Variants in TMCO4 observed in about 807,000 individuals in gnomAD.
TMCO4 encodes transmembrane and coiled-coil domain-containing protein 4.
In TMCO4, 58 loss-of-function variants were observed where a neutral mutation model predicts 64.7. The observed-to-expected ratio is 0.90, with a 90% CI of 0.73 to 1.12. The LOEUF (loss-of-function observed/expected upper bound fraction) is 1.12. Among genes scored for constraint, TMCO4 ranks in the 50% most tolerant of loss-of-function variants. The pLI is 0.00. For synonymous variants in TMCO4, 325 were observed against 346.1 expected, an observed-to-expected ratio of 0.94 and a Z score of 0.68; for missense variants, 780 against 825.9, an observed-to-expected ratio of 0.94 and a Z score of 0.68.
In TMCO4 at chr1:19,737,431, C is replaced by T. The variant is rs773563049; in HGVS notation, c.1205G>A (p.Gly402Asp). Residue 402 changes from glycine (G) to aspartate (D), a missense_variant, in exon 13 of 16, where the codon GGC (glycine) becomes GAC (aspartate). Gly to Asp is a moderately conservative substitution (Grantham distance 94). Coordinates refer to ENST00000294543, the MANE Select transcript of TMCO4 (RefSeq NM_181719.7). ...GATGACTCTGGCTCCCAGGCTGAAG[C>T]CAATCAAGGTGACAGGTCGTCGCCC... ...QQGRRPVTLI[G>D]FSLGARVIYF... is the part of the protein sequence containing the mutation. 1 of 1,613,928 alleles carries T rather than the reference C, an allele frequency of 6.2e-7. No homozygotes were observed. The highest frequency in any genetic ancestry group is 8.5e-7 in the Non-Finnish European group (1 of 1,179,964).
chr1:19,762,519 A>G (rs181313031), intron 6 of TMCO4, among the ~76,000 whole-genome samples: 1 of 152,338 alleles, frequency 6.6e-6, no homozygotes, highest in East Asian at 1.9e-4. Flanking sequence ...GCATGTCCAG[A>G]GCCAGGCTGT....
intron 4 of TMCO4, among the ~76,000 whole-genome samples, chr1:19,777,646 C>T (rs572232026): frequency 4.6e-5 from 7 of 152,328 alleles, no homozygotes; most frequent in East Asian, 1.9e-4. Flanking sequence ...CTGCGCCCAG[C>T]GCCAAAAACC....
At chr1:19,760,701 A>G (rs2042461228) in intron 6 of TMCO4, among the ~76,000 whole-genome samples, 1 of 152,240 alleles carries the variant, frequency 6.6e-6, no homozygotes, top group Non-Finnish European at 1.5e-5. Flanking sequence ...ACAACTATAT[A>G]TATATTTTAT....
chr1:19,711,089 T>C (rs1341676008), intron 13 of TMCO4, among the ~76,000 whole-genome samples: 1 of 152,208 alleles, frequency 6.6e-6, no homozygotes, highest in Admixed American at 6.5e-5. Context: ...CTTTGAGAAA[T>C]ATAGCTGCTG....
chr1:19,695,407 C>T (rs886088310), intron 14 of TMCO4, among the ~76,000 whole-genome samples: 2 of 152,340 alleles, frequency 1.3e-5, no homozygotes, highest in South Asian at 2.1e-4. Context: ...CGGGCCTTGC[C>T]GCCCAGCAAG....
intron 3 of TMCO4, among the ~76,000 whole-genome samples, chr1:19,784,159 A>C (rs976886248): frequency 6.6e-6 from 1 of 152,210 alleles, no homozygotes; most frequent in Non-Finnish European, 1.5e-5. Context: ...TTAGCTCAAT[A>C]ATAAACAGCT....
chr1:19,716,877 G>C (rs2095359278), intron 13 of TMCO4, among the ~76,000 whole-genome samples: 1 of 152,164 alleles, frequency 6.6e-6, no homozygotes, highest in Non-Finnish European at 1.5e-5. Flanking sequence ...CCTCAAGGAA[G>C]CTGAGCGGGT....
At chr1:19,699,370 G>A (rs570149796) in intron 14 of TMCO4, among the ~76,000 whole-genome samples, 36 of 151,928 alleles carry the variant, frequency 2.4e-4, no homozygotes, top group South Asian at 1.9e-3. Flanking sequence ...TGGGGACACT[G>A]AATTCAGGGA....
intron 6 of TMCO4, among the ~76,000 whole-genome samples, chr1:19,757,376 G>T (rs1427859423): frequency 6.6e-6 from 1 of 152,094 alleles, no homozygotes; most frequent in Non-Finnish European, 1.5e-5. Flanking sequence ...TGCTCCCATG[G>T]TCACATGTCC....
intron 13 of TMCO4, 32 bp from the exon 14 acceptor site, chr1:19,700,917 G>C (rs777415458): frequency 6.3e-7 from 1 of 1,592,058 alleles, no homozygotes; most frequent in East Asian, 2.2e-5. Flanking sequence ...GGCCGTCAGT[G>C]TCCCTGGCCA....
Position 19,693,609 on chromosome 1 carries a change from G to C in TMCO4, c.1500+825C>G, listed in dbSNP as rs376264656. On this transcript the variant is annotated intron_variant, in intron 15 of 15. Transcript: ENST00000294543. ...GCCCCTGCACCCCAGCCTAGTTTTA[G>C]CTGCATGGGAACCCTTAGGAGTATG... 9.8e-5 allele frequency among the ~76,000 whole-genome samples: 15 copies of C among 152,324 alleles called. No homozygotes were observed. The East Asian group carries it at 2.7e-3, about 27-fold the overall frequency.
In TMCO4 at chr1:19,684,063, CTTTTTT is replaced by C. The variant is rs3048209; in HGVS notation, c.1501-625_1501-620del. The stretch of plus-strand genomic sequence containing the variant: ...AGGCGTGAGCCACTGTGCCCGGCAG[CTTTTTT>C]TTTTTTTTTTTTTTTTTTTAAGGGA... On this transcript the variant is annotated intron_variant, in intron 15 of 15. Coordinates refer to ENST00000294543, the MANE Select transcript of TMCO4 (RefSeq NM_181719.7). 5.7e-5 allele frequency among the ~76,000 whole-genome samples: 4 copies of C among 70,316 alleles called. 1 individual carries two copies. The highest frequency in any genetic ancestry group is 2.1e-4 in the African/African-American group (3 of 14,522). The allele number at this position is 70,316 out of a possible 152,430, so 46.1% of individuals were successfully genotyped here. A position where few individuals can be genotyped will look rare whatever the true frequency, so the allele number is the denominator to read the frequency against.
intron 6 of TMCO4, among the ~76,000 whole-genome samples, chr1:19,769,242 C>A (rs1020010303): frequency 6.6e-6 from 1 of 152,086 alleles, no homozygotes. Flanking sequence ...ACTTCTGAGC[C>A]CTCTCCCTTC....
intron 9 of TMCO4, 79 bp downstream of exon 9, chr1:19,746,377 G>C: frequency 1.9e-6 from 3 of 1,573,610 alleles, no homozygotes; most frequent in Non-Finnish European, 8.6e-7. Flanking sequence ...TGCTGGTGAG[G>C]ATCCAGGCAT....
At chr1:19,704,743 C>T (rs555737107) in intron 13 of TMCO4, among the ~76,000 whole-genome samples, 3 of 152,200 alleles carry the variant, frequency 2.0e-5, no homozygotes, top group Non-Finnish European at 2.9e-5. Flanking sequence ...GTAATAGCAG[C>T]ATTCCTGAGC....
intron 13 of TMCO4, among the ~76,000 whole-genome samples, chr1:19,703,555 TC>T (rs2095286235): frequency 7.2e-6 from 1 of 138,912 alleles, no homozygotes; most frequent in African/African-American, 2.7e-5. Context: ...CTTTTCTTCC[TC>T]TTTTTTTTTT....
In TMCO4 at chr1:19,682,610, A is replaced by G. The variant is rs2095110876; in HGVS notation, c.*430T>C. 1 of 717,502 alleles carries G rather than the reference A, an allele frequency of 1.4e-6. No homozygotes were observed. The highest frequency in any genetic ancestry group is 1.7e-5 in the African/African-American group (1 of 57,390). 44.4% of individuals were successfully genotyped at this position (717,502 alleles called of 1,614,324 possible). A position where few individuals can be genotyped will look rare whatever the true frequency, so the allele number is the denominator to read the frequency against. On this transcript the variant is annotated 3_prime_UTR_variant, in exon 16 of 16. Coordinates refer to ENST00000294543, the MANE Select transcript of TMCO4 (RefSeq NM_181719.7). Reference sequence around the variant, plus strand: ...GGCAGCCCTGGAGTGTGGATGGAAGAACAGGCATGCACCTGGTTTTATTGA... The same window carrying G: ...GGCAGCCCTGGAGTGTGGATGGAAGGACAGGCATGCACCTGGTTTTATTGA...
chr1:19,789,127 T>C (rs2043899059), intron 2 of TMCO4, among the ~76,000 whole-genome samples: 1 of 148,620 alleles, frequency 6.7e-6, no homozygotes, highest in South Asian at 2.1e-4. Flanking sequence ...TTCAGCCAGG[T>C]GTAGTGGCTC....
intron 13 of TMCO4, among the ~76,000 whole-genome samples, chr1:19,735,506 C>T (rs1022083334): frequency 1.6e-4 from 24 of 152,282 alleles, no homozygotes; most frequent in Non-Finnish European, 2.6e-4. Context: ...GAACCATCCC[C>T]CAAAAGGCTG....
Sources: allele counts gnomAD v4.1 joint callset (sites outside exome capture counted in the v4.1 genomes callset), GRCh38; gene constraint gnomAD v4.1.1; transcripts MANE v1.5; gene names NCBI Gene and HGNC (gene_info 2026-07-23, HGNC 2026-07-21).